The following PALM2AKAP2 variants were observed in gnomAD, a reference collection of about 807,000 sequenced individuals.
PALM2AKAP2 encodes the protein PALM2-AKAP2 fusion protein.
A neutral mutation model predicts 71.5 loss-of-function variants in PALM2AKAP2; 37 were observed. The observed-to-expected ratio is 0.52, with a 90% CI of 0.40 to 0.68. The LOEUF (loss-of-function observed/expected upper bound fraction) is 0.68, where lower values mean the gene tolerates loss of function less well. PALM2AKAP2 is among the 30% of genes least tolerant of loss of function. The pLI is 0.00. For synonymous variants in PALM2AKAP2, 468 were observed against 478.8 expected, an observed-to-expected ratio of 0.98 and a Z score of 0.29; for missense variants, 1,224 against 1,191.8, an observed-to-expected ratio of 1.03 and a Z score of -0.40.
At chr9:109,940,075 A>G (rs745991801) in intron 6 of PALM2AKAP2, among the ~76,000 whole-genome samples, 8 of 152,324 alleles carry the variant, frequency 5.3e-5, no homozygotes, top group East Asian at 1.9e-4. Context: ...ATTTGTTACT[A>G]GATTACAACA....
At chr9:110,088,326 A>T (rs1437377079) in intron 1 of PALM2AKAP2, among the ~76,000 whole-genome samples, 1 of 152,208 alleles carries the variant, frequency 6.6e-6, no homozygotes, top group Non-Finnish European at 1.5e-5. Context: ...GCTACACCCT[A>T]TGCAAACATC....
At chr9:110,032,060 GAAAAA>G (rs560993508) in intron 7 of PALM2AKAP2, among the ~76,000 whole-genome samples, 1 of 119,378 alleles carries the variant, frequency 8.4e-6, no homozygotes, top group Admixed American at 8.9e-5. Context: ...AGCTTACGGG[GAAAAA>G]AAAAAAAAAA....
At chr9:109,738,585 C>T (rs1828673140) in intron 1 of PALM2AKAP2, among the ~76,000 whole-genome samples, 1 of 152,106 alleles carries the variant, frequency 6.6e-6, no homozygotes, top group South Asian at 2.1e-4. Context: ...TACAGAATTC[C>T]TGGAAAGCAT....
At chr9:110,022,756 G>A (rs1833097087) in intron 7 of PALM2AKAP2, among the ~76,000 whole-genome samples, 1 of 151,612 alleles carries the variant, frequency 6.6e-6, no homozygotes, top group African/African-American at 2.4e-5. Context: ...AGTCCCCGGA[G>A]TGTGATGTTC....
At chr9:109,702,765 AG>A (rs1828082399) in intron 1 of PALM2AKAP2, among the ~76,000 whole-genome samples, 1 of 150,478 alleles carries the variant, frequency 6.6e-6, no homozygotes, top group South Asian at 2.1e-4. Flanking sequence ...AAAAAAAAAA[AG>A]AAAATAAATC....
chr9:110,168,435 G>T (rs770438173), exon 4 of PALM2AKAP2: 7 of 1,614,164 alleles, frequency 4.3e-6, no homozygotes, highest in South Asian at 2.2e-5. Context: ...AAGAAAGAGC[G>T]CACTGGCTTT....
At chr9:109,669,267 CTTTTT>C (rs61041280) in intron 1 of PALM2AKAP2, among the ~76,000 whole-genome samples, 1 of 149,912 alleles carries the variant, frequency 6.7e-6, no homozygotes, top group Non-Finnish European at 1.5e-5. Flanking sequence ...TTTGTTTTTC[CTTTTT>C]TTTTCAATGA....
At chr9:109,963,148 A>G (rs1236682391) in intron 6 of PALM2AKAP2, among the ~76,000 whole-genome samples, 2 of 152,132 alleles carry the variant, frequency 1.3e-5, no homozygotes, top group African/African-American at 4.8e-5. Flanking sequence ...GAGAAGACCC[A>G]GGGGAGGGTA....
chr9:109,681,208 G>A (rs548082220), intron 1 of PALM2AKAP2, among the ~76,000 whole-genome samples: 1 of 152,148 alleles, frequency 6.6e-6, no homozygotes, highest in African/African-American at 2.4e-5. Context: ...TGGTCTATGA[G>A]CTCATTGAGG....
intron 3 of PALM2AKAP2, among the ~76,000 whole-genome samples, chr9:109,921,531 A>G (rs535106802): frequency 6.6e-6 from 1 of 152,350 alleles, no homozygotes; most frequent in South Asian, 2.1e-4. Context: ...GGTAGACTTG[A>G]TAAGACTTCT....
At chr9:110,083,157 A>G (rs564882587) in intron 1 of PALM2AKAP2, among the ~76,000 whole-genome samples, 1 of 152,150 alleles carries the variant, frequency 6.6e-6, no homozygotes, top group Non-Finnish European at 1.5e-5. Flanking sequence ...AAGCAAAAAA[A>G]CAAAAAACAA....
intron 1 of PALM2AKAP2, among the ~76,000 whole-genome samples, chr9:109,706,134 A>C (rs138520743): frequency 2.6e-5 from 4 of 152,314 alleles, no homozygotes; most frequent in Admixed American, 2.0e-4. Flanking sequence ...ATACCTTTTC[A>C]AAAAACATGC....
At chr9:110,110,477 C>A (rs899362938) in intron 1 of PALM2AKAP2, among the ~76,000 whole-genome samples, 1 of 151,914 alleles carries the variant, frequency 6.6e-6, no homozygotes. Context: ...ACTTTCTTTA[C>A]CCCTGAGACC....
chr9:109,731,371 G>A (rs1011403564), intron 1 of PALM2AKAP2, among the ~76,000 whole-genome samples: 3 of 152,106 alleles, frequency 2.0e-5, no homozygotes, highest in African/African-American at 7.2e-5. Flanking sequence ...AAATTCATTC[G>A]TTATCCTGTT....
intron 3 of PALM2AKAP2, among the ~76,000 whole-genome samples, chr9:109,899,351 G>T (rs911208304): frequency 2.7e-4 from 41 of 152,140 alleles, no homozygotes; most frequent in African/African-American, 9.9e-4. Context: ...ATAATAAAAG[G>T]ATTCTTGATT....
intron 1 of PALM2AKAP2, among the ~76,000 whole-genome samples, chr9:109,707,046 T>C (rs945233663): frequency 1.3e-5 from 2 of 152,216 alleles, no homozygotes; most frequent in African/African-American, 2.4e-5. Flanking sequence ...TTATAGAGTA[T>C]GTAAAATTTA....
chr9:110,105,332 T>C (rs1835093147), intron 1 of PALM2AKAP2, among the ~76,000 whole-genome samples: 1 of 152,192 alleles, frequency 6.6e-6, no homozygotes, highest in African/African-American at 2.4e-5. Context: ...CCTGGTAACA[T>C]AGAGTTGTTT....
chr9:109,893,879 T>C (rs761740146), intron 3 of PALM2AKAP2, among the ~76,000 whole-genome samples: 9 of 152,070 alleles, frequency 5.9e-5, no homozygotes, highest in Admixed American at 2.0e-4. Context: ...AGCTAACACT[T>C]AGGTGGTGGG....
intron 6 of PALM2AKAP2, among the ~76,000 whole-genome samples, chr9:109,959,686 A>T (rs1374990631): frequency 6.6e-6 from 1 of 152,046 alleles, no homozygotes; most frequent in African/African-American, 2.4e-5. Context: ...CATTGATCCA[A>T]AGAATTTTAG....
Sources: gnomAD v4.1 joint callset for allele counts (sites outside exome capture counted in the v4.1 genomes callset) on GRCh38, gnomAD v4.1.1 for gene constraint, MANE v1.5 for transcripts, NCBI Gene and HGNC (gene_info 2026-07-23, HGNC 2026-07-21) for gene names.